Variants in ADGRV1 observed in about 807,000 individuals in gnomAD.
The protein encoded by ADGRV1 is adhesion G protein-coupled receptor V1, also known as G-protein coupled receptor 98.
In ADGRV1, 359 loss-of-function variants were observed where a neutral mutation model predicts 596.2. The observed-to-expected ratio is 0.60, with a 90% CI of 0.55 to 0.66. The LOEUF (loss-of-function observed/expected upper bound fraction) is 0.66, where lower values mean the gene tolerates loss of function less well. ADGRV1 is among the 30% of genes least tolerant of loss of function. The probability of loss-of-function intolerance (pLI) is 0.00; values close to 1 mark genes in which losing one functional copy is unlikely to be tolerated. For synonymous variants in ADGRV1, 2,681 were observed against 2,679.2 expected, an observed-to-expected ratio of 1.00 and a Z score of -0.02; for missense variants, 7,274 against 7,575.6, an observed-to-expected ratio of 0.96 and a Z score of 1.48.
Position 90,694,216 on chromosome 5 carries a change from C to T in ADGRV1, c.7460C>T (p.Thr2487Ile). The change falls in exon 33 of 90, where the codon ACC becomes ATC. Residue 2487 changes from threonine to isoleucine, a missense_variant. Coordinates refer to ENST00000405460, the MANE Select transcript of ADGRV1 (RefSeq NM_032119.4). Reference protein sequence around the residue: ...SDFWTYRKNMTRVASLFSGQA... With the variant: ...SDFWTYRKNMIRVASLFSGQA... ...TTCTGGACCTACAGGAAAAACATGA[C>T]CAGGGTAGCATCTCTTTTTAGTGGT... 1.2e-6 allele frequency: 2 copies of T among 1,613,880 alleles called. No homozygotes were observed. The highest frequency in any genetic ancestry group is 1.3e-5 in the African/African-American group (1 of 75,062).
chr5:90,993,277 G>C (rs1240539317), intron 85 of ADGRV1, among the ~76,000 whole-genome samples: 1 of 149,322 alleles, frequency 6.7e-6, no homozygotes, highest in East Asian at 2.0e-4. Context: ...TCCTGCCTCA[G>C]CCTCCCGAGT....
chr5:90,737,954 T>C (rs1281986065), intron 50 of ADGRV1, among the ~76,000 whole-genome samples: 1 of 152,036 alleles, frequency 6.6e-6, no homozygotes, highest in Non-Finnish European at 1.5e-5. Flanking sequence ...GACTTGCTAC[T>C]GCCCTTTCAT....
At position 90,909,760 on chromosome 5, in the gene ADGRV1, A is replaced by C. The variant is rs145058714; in HGVS notation, c.17856+45903A>C. ...CAAGTTTGCACCTCAAAAGTAGGCA[A>C]GATGATCCATGGGGTATGGACAGAA... is the stretch of plus-strand genomic sequence containing the variant. On this transcript the variant is annotated intron_variant, in intron 83 of 89. Coordinates refer to ENST00000405460, the MANE Select transcript of ADGRV1 (RefSeq NM_032119.4). 9.7e-3 allele frequency among the ~76,000 whole-genome samples: 1,470 copies of C among 152,298 alleles called. 8 individuals are homozygous for C. Among genetic ancestry groups the C allele is most frequent in the Non-Finnish European group, 0.016 (1,094 of 67,996 alleles).
At chr5:90,784,510 CTG>C (rs1759210872) in intron 67 of ADGRV1, among the ~76,000 whole-genome samples, 2 of 152,166 alleles carry the variant, frequency 1.3e-5, no homozygotes, top group South Asian at 4.2e-4. Flanking sequence ...ATTGCGAGTG[CTG>C]TTGGTGAGGA....
At chr5:90,667,922 G>A (rs530471410) in intron 21 of ADGRV1, among the ~76,000 whole-genome samples, 7 of 151,808 alleles carry the variant, frequency 4.6e-5, no homozygotes, top group South Asian at 4.2e-4. Flanking sequence ...TAGGCTGCTC[G>A]GGGGTCAGGG....
chr5:90,721,414 G>A (rs1252321872), intron 45 of ADGRV1, among the ~76,000 whole-genome samples: 1 of 151,858 alleles, frequency 6.6e-6, no homozygotes, highest in Non-Finnish European at 1.5e-5. Context: ...TAAGACAGGA[G>A]AATGGCGTGA....
intron 85 of ADGRV1, among the ~76,000 whole-genome samples, chr5:91,068,635 A>G (rs1030725203): frequency 1.3e-5 from 2 of 152,136 alleles, no homozygotes; most frequent in Admixed American, 6.5e-5. Flanking sequence ...GAAATAATAC[A>G]TGACACAAAC....
Position 90,627,857 on chromosome 5 carries a change from A to G in ADGRV1, c.1238+81A>G, listed in dbSNP as rs954094798. On this transcript the variant is annotated intron_variant, in intron 7 of 89. Transcript: ENST00000405460. ...TAAGTTTTGTGGTGTTGGACACAAC[A>G]ATGAACTGTTAGAATATGTGTCATT... 10 of 845,996 alleles carry G rather than the reference A, an allele frequency of 1.2e-5. No homozygotes were observed. The African/African-American group carries it at 1.7e-4, about 15-fold the overall frequency. 52.4% of individuals were successfully genotyped at this position (845,996 alleles called of 1,614,324 possible).
At chr5:90,714,051 A>G (rs1361668343) in intron 42 of ADGRV1, among the ~76,000 whole-genome samples, 1 of 152,142 alleles carries the variant, frequency 6.6e-6, no homozygotes, top group African/African-American at 2.4e-5. Context: ...TTATCTGTTG[A>G]GTACAGTGCA....
At position 90,725,631 on chromosome 5, in the gene ADGRV1, A is replaced by C; in HGVS notation, c.10136A>C (p.Gln3379Pro). 6.4e-7 allele frequency: 1 copy of C among 1,567,950 alleles called. No individual in the cohort carries two copies. Among genetic ancestry groups the C allele is most frequent in the South Asian group, 1.1e-5 (1 of 88,036 alleles). ...CAAGATTATTTAATCATTGCAAGTC[A>C]AAGAGATGATTCCGAATTAACTCAG... ...DSQDYLIIAS[Q>P]RDDSELTQVF... The change falls in exon 48 of 90, where the codon CAA (glutamine) becomes CCA (proline). Residue 3379 changes from glutamine (Q) to proline (P), a missense_variant. Gln to Pro is a moderately conservative substitution (Grantham distance 76, BLOSUM62 -1). Coordinates refer to ENST00000405460, the MANE Select transcript of ADGRV1 (RefSeq NM_032119.4).
Position 90,788,180 on chromosome 5 carries a change from G to A in ADGRV1, c.13763G>A (p.Gly4588Glu), listed in dbSNP as rs759591489. The A allele has an allele frequency of 1.1e-5, 17 of 1,613,734 alleles. No individual in the cohort carries two copies. In the East Asian group the frequency reaches 3.8e-4, roughly 36 times the overall value. The part of the protein sequence containing the change: ...GLFYFGEGEG[G>E]VRTIILTIYP... ...TTCTATTTTGGAGAAGGAGAAGGAG[G>A]AGTGAGAACCATAATTCTGACAATC... Residue 4588 changes from glycine to glutamate, a missense_variant, in exon 68 of 90, where the codon GGA becomes GAA. Physicochemically the swap from Gly to Glu is moderately conservative, Grantham distance 98 (BLOSUM62 -2). This residue lies in a region of ADGRV1 where 3,643 missense variants were observed against 3,809.2 expected (regional missense o/e 0.96). Transcript: ENST00000405460.
intron 29 of ADGRV1, among the ~76,000 whole-genome samples, chr5:90,687,870 C>G (rs1357928228): frequency 6.6e-6 from 1 of 152,038 alleles, no homozygotes; most frequent in African/African-American, 2.4e-5. Context: ...TCAAGGAGAA[C>G]TACAAACCAC....
rs555639958 is a variant in ADGRV1, at chr5:90,582,059, G to T, written c.22+23142G>T. Reference sequence around the variant, plus strand: ...TGGTCCAAGAGTGTACTTGGTATATGATTTCAGTTGTTTTTTATTTATTGA... The same window carrying T: ...TGGTCCAAGAGTGTACTTGGTATATTATTTCAGTTGTTTTTTATTTATTGA... On this transcript the variant is annotated intron_variant, in intron 1 of 89. Transcript: ENST00000405460. 7.2e-4 allele frequency among the ~76,000 whole-genome samples: 108 copies of T among 149,588 alleles called. No homozygotes were observed. The Middle Eastern group carries it at 0.01, about 14-fold the overall frequency.
At chr5:91,119,230 T>C (rs1444534025) in intron 87 of ADGRV1, among the ~76,000 whole-genome samples, 1 of 152,218 alleles carries the variant, frequency 6.6e-6, no homozygotes, top group Non-Finnish European at 1.5e-5. Context: ...AACACCCAGA[T>C]TTGTGCCATT....
Position 91,075,814 on chromosome 5 carries a change from A to T in ADGRV1, c.18310+3210A>T, listed in dbSNP as rs573654987. The stretch of plus-strand genomic sequence containing the variant: ...GGTTTCTCTCATTGCCCCAAAAAAA[A>T]GTCCAGTCCCTTTAGCTTACAAGAG... On this transcript the variant is annotated intron_variant, in intron 86 of 89. Transcript: ENST00000405460. Among the ~76,000 whole-genome samples, 4 of 152,136 alleles carry T rather than the reference A, an allele frequency of 2.6e-5. No individual in the cohort carries two copies. The East Asian group carries it at 7.7e-4, about 29-fold the overall frequency.
intron 85 of ADGRV1, among the ~76,000 whole-genome samples, chr5:91,017,155 T>C (rs2151171317): frequency 6.6e-6 from 1 of 152,094 alleles, no homozygotes; most frequent in African/African-American, 2.4e-5. Context: ...CAATCTACTA[T>C]TGCTAAACTT....
chr5:90,798,055 G>A (rs1264994866), intron 70 of ADGRV1, among the ~76,000 whole-genome samples: 2 of 152,202 alleles, frequency 1.3e-5, no homozygotes, highest in East Asian at 3.9e-4. Flanking sequence ...GCTAGCAGAA[G>A]ACAAGAAATA....
intron 83 of ADGRV1, among the ~76,000 whole-genome samples, chr5:90,964,320 T>C (rs1778269148): frequency 6.6e-6 from 1 of 152,208 alleles, no homozygotes; most frequent in Non-Finnish European, 1.5e-5. Flanking sequence ...TCTGTCCTTT[T>C]GGAATAAATC....
intron 14 of ADGRV1, among the ~76,000 whole-genome samples, chr5:90,644,437 G>C (rs374271610): frequency 6.6e-6 from 1 of 152,076 alleles, no homozygotes; most frequent in African/African-American, 2.4e-5. Context: ...TGCCTAATTC[G>C]TCATCATTCT....
Sources: gnomAD v4.1 joint callset for allele counts (sites outside exome capture counted in the v4.1 genomes callset) on GRCh38, gnomAD v4.1.1 for gene constraint, gnomAD v4.1.1 regional missense constraint, MANE v1.5 for transcripts, NCBI Gene and HGNC (gene_info 2026-07-23, HGNC 2026-07-21) for gene names.